TEKT5: variants seen among roughly 807,000 people sequenced by gnomAD.
The protein encoded by TEKT5 is tektin-5.
TEKT5 carries 52 observed loss-of-function variants against 48.7 expected under a neutral mutation model. The observed-to-expected ratio is 1.07, with a 90% CI of 0.86 to 1.35. TEKT5 has a LOEUF of 1.35. TEKT5 is among the 40% of genes most tolerant of loss of function. TEKT5 has a pLI of 0.00. For missense variants in TEKT5, 831 were observed against 641.6 expected, an observed-to-expected ratio of 1.30 and a Z score of -3.19; for synonymous variants, 318 against 267.6, an observed-to-expected ratio of 1.19 and a Z score of -1.84.
chr16:10,654,048 T>C (rs1898216800), intron 5 of TEKT5, among the ~76,000 whole-genome samples: 1 of 152,008 alleles, frequency 6.6e-6, no homozygotes, highest in Admixed American at 6.6e-5. Context: ...GTGTGTGTGG[T>C]GGCTGTTCTA....
chr16:10,678,631 GT>G (rs1898691433), intron 4 of TEKT5, among the ~76,000 whole-genome samples: 1 of 152,132 alleles, frequency 6.6e-6, no homozygotes, highest in Non-Finnish European at 1.5e-5. Context: ...GCACAACAAC[GT>G]CCCATCCCAG....
rs1898938394 is a variant in TEKT5 at position 10,689,932 on chromosome 16, G to T, written c.648+10C>A. ...TTCAGGGGGCTGGGCAGAACCAGGA[G>T]ATGCCTTACCCGGATAAGGTTTTTC... On this transcript the variant is annotated intron_variant, in intron 2 of 6. Coordinates refer to ENST00000283025, the MANE Select transcript of TEKT5 (RefSeq NM_144674.2). 1.2e-6 allele frequency: 2 copies of T among 1,613,754 alleles called. No homozygotes were observed.
At chr16:10,690,221 T>C (rs1883227112) in intron 1 of TEKT5, 196 bp from the exon 2 acceptor site, 5 of 589,708 alleles carry the variant, frequency 8.5e-6, no homozygotes, top group East Asian at 2.8e-5. Flanking sequence ...GGTTGTCATA[T>C]GACCAAGGCA....
chr16:10,655,695 G>T (rs139269131), intron 5 of TEKT5, among the ~76,000 whole-genome samples: 2 of 152,158 alleles, frequency 1.3e-5, no homozygotes, highest in Non-Finnish European at 2.9e-5. Flanking sequence ...AAAGGGGGTG[G>T]TTGTACCCTT....
chr16:10,637,349 A>T (rs1897930126), intron 5 of TEKT5, among the ~76,000 whole-genome samples: 1 of 151,554 alleles, frequency 6.6e-6, no homozygotes, highest in Non-Finnish European at 1.5e-5. Context: ...TTTAAAAAAA[A>T]AAAAAATCCA....
intron 4 of TEKT5, 129 bp from the exon 5 acceptor site, chr16:10,676,310 T>G: frequency 1.1e-6 from 1 of 884,450 alleles, no homozygotes; most frequent in South Asian, 1.6e-5. Context: ...GTGCTTGGGA[T>G]GTTTAAGCAG....
chr16:10,647,422 T>C (rs1898087132), intron 5 of TEKT5, among the ~76,000 whole-genome samples: 1 of 149,264 alleles, frequency 6.7e-6, no homozygotes, highest in African/African-American at 2.5e-5. Context: ...CAGTGAGCTG[T>C]GATGACGCCA....
At chr16:10,637,470 G>C (rs75953830) in intron 5 of TEKT5, among the ~76,000 whole-genome samples, 4,290 of 150,500 alleles carry the variant, frequency 0.029, 210 homozygotes, top group African/African-American at 0.099. Flanking sequence ...AGAGGGGAGA[G>C]GAAGGGAGGG....
intron 5 of TEKT5, among the ~76,000 whole-genome samples, chr16:10,671,433 A>G (rs1298469369): frequency 6.6e-6 from 1 of 152,272 alleles, no homozygotes; most frequent in South Asian, 2.1e-4. Context: ...GTATAGACAG[A>G]CAATGGAATA....
intron 6 of TEKT5, among the ~76,000 whole-genome samples, chr16:10,635,125 A>G (rs971220782): frequency 4.6e-5 from 7 of 151,580 alleles, no homozygotes; most frequent in Admixed American, 3.9e-4. Flanking sequence ...TAATCCCCAT[A>G]TCTGATGACC....
At chr16:10,647,467 G>C (rs903245119) in intron 5 of TEKT5, among the ~76,000 whole-genome samples, 5 of 122,976 alleles carry the variant, frequency 4.1e-5, no homozygotes. Context: ...GTGGGACCCT[G>C]TCTCAAAAAA....
intron 5 of TEKT5, among the ~76,000 whole-genome samples, chr16:10,674,056 A>C (rs987949636): frequency 6.6e-6 from 1 of 152,200 alleles, no homozygotes; most frequent in Admixed American, 6.5e-5. Flanking sequence ...TAAAATCTTC[A>C]AAGGCTCCCC....
chr16:10,640,003 T>C (rs2142263173), intron 5 of TEKT5, among the ~76,000 whole-genome samples: 1 of 151,646 alleles, frequency 6.6e-6, no homozygotes, highest in Admixed American at 6.6e-5. Context: ...CTTCCTCCTC[T>C]TCCTCCTCCT....
intron 6 of TEKT5, among the ~76,000 whole-genome samples, chr16:10,630,653 C>T (rs1242574634): frequency 9.9e-5 from 15 of 152,200 alleles, no homozygotes; most frequent in Admixed American, 9.2e-4. Flanking sequence ...TACCCACCAG[C>T]CCCATGGGGC....
intron 5 of TEKT5, among the ~76,000 whole-genome samples, chr16:10,637,486 G>GGAAGGCAA (rs1490968910): frequency 6.6e-6 from 1 of 152,242 alleles, no homozygotes; most frequent in African/African-American, 2.4e-5. Flanking sequence ...GAGGGAGAAA[G>GGAAGGCAA]GAAGGCAAGA....
chr16:10,679,321 G>C (rs1898703661), intron 4 of TEKT5, among the ~76,000 whole-genome samples: 1 of 152,058 alleles, frequency 6.6e-6, no homozygotes, highest in African/African-American at 2.4e-5. Flanking sequence ...GCTAGGCGTG[G>C]TGGCATGTGC....
chr16:10,635,765 T>G lies in TEKT5; in HGVS notation c.1240A>C (p.Lys414Gln), dbSNP rs779433274. 1 of 1,610,994 alleles carries G rather than the reference T, an allele frequency of 6.2e-7. No homozygotes were observed. Among genetic ancestry groups the G allele is most frequent in the South Asian group, 1.1e-5 (1 of 90,906 alleles). Residue 414 changes from lysine (K) to glutamine (Q), a missense_variant and splice_region_variant, in exon 6 of 7, where the codon AAG becomes CAG. Physicochemically the swap from Lys to Gln is moderately conservative, Grantham distance 53. Transcript: ENST00000283025. ...MELCRDIPQL[K>Q]LVNEVFTIDD... ...CCTCCTCTGGCCTCCCTCACTTACT[T>G]CAACTGCGGGATGTCCCTGCACAGC...
At chr16:10,642,575 C>G (rs533398699) in intron 5 of TEKT5, among the ~76,000 whole-genome samples, 1 of 152,280 alleles carries the variant, frequency 6.6e-6, no homozygotes, top group African/African-American at 2.4e-5. Context: ...AATGCCCCCT[C>G]TTCTTGGGAA....
chr16:10,677,231 G>A (rs1430165290), intron 4 of TEKT5, among the ~76,000 whole-genome samples: 1 of 148,324 alleles, frequency 6.7e-6, no homozygotes, highest in Non-Finnish European at 1.5e-5. Flanking sequence ...GAGACAAATG[G>A]AGTGGTGTCA....
Sources: gnomAD v4.1 joint callset for allele counts (sites outside exome capture counted in the v4.1 genomes callset) on GRCh38, gnomAD v4.1.1 for gene constraint, MANE v1.5 for transcripts, NCBI Gene and HGNC (gene_info 2026-07-23, HGNC 2026-07-21) for gene names.